The following STK32C variants were observed in gnomAD, a reference collection of about 807,000 sequenced individuals.
STK32C encodes serine/threonine kinase 32C, also known as serine/threonine-protein kinase 32C.
Under a neutral mutation model 56.5 loss-of-function variants are expected in STK32C, and 31 were observed. The observed-to-expected ratio is 0.55, with a 90% CI of 0.41 to 0.74. STK32C has a LOEUF of 0.74. Among genes scored for constraint, STK32C ranks in the 30% least tolerant of loss-of-function variants. STK32C has a pLI of 0.00. For missense variants in STK32C, 544 were observed against 676.9 expected (o/e 0.80, Z 2.18); for synonymous variants, 309 against 289.4 (o/e 1.07, Z -0.69).
chr10:132,294,915 G>A (rs1021471352), intron 1 of STK32C, among the ~76,000 whole-genome samples: 1 of 152,188 alleles, frequency 6.6e-6, no homozygotes, highest in Non-Finnish European at 1.5e-5. Flanking sequence ...TCCTGCCTGT[G>A]TATGACACGG....
At chr10:132,310,869 G>A (rs2066206237), upstream of STK32C, among the ~76,000 whole-genome samples, 1 of 152,210 alleles carries the variant, frequency 6.6e-6, no homozygotes, top group Non-Finnish European at 1.5e-5. The surrounding 1 kb of genome is among the most constrained non-coding windows in gnomAD (Gnocchi z 4.6). Context: ...TGAGGCCGGA[G>A]CATGAACGAG....
intron 1 of STK32C, among the ~76,000 whole-genome samples, chr10:132,269,420 T>C (rs1165982765): frequency 6.6e-6 from 1 of 152,188 alleles, no homozygotes; most frequent in African/African-American, 2.4e-5. Flanking sequence ...GCACCGGATC[T>C]TCCCCTGAGC....
chr10:132,329,409 G>A (rs1380062192), intron 1 of STK32C, among the ~76,000 whole-genome samples: 1 of 147,800 alleles, frequency 6.8e-6, no homozygotes, highest in Non-Finnish European at 1.5e-5. Context: ...CTGAGACCCT[G>A]TCTCAAAAAA....
chr10:132,259,841 A>C (rs1441720152), intron 1 of STK32C, among the ~76,000 whole-genome samples: 1 of 152,164 alleles, frequency 6.6e-6, no homozygotes, highest in African/African-American at 2.4e-5. Context: ...CACTCGCTAC[A>C]CACTTTCTGG....
intron 11 of STK32C, among the ~76,000 whole-genome samples, chr10:132,208,409 A>G (rs1197110771): frequency 6.6e-6 from 1 of 152,194 alleles, no homozygotes; most frequent in Non-Finnish European, 1.5e-5. Context: ...TGCAGGTGCC[A>G]TAGGTCAGTG....
intron 10 of STK32C, among the ~76,000 whole-genome samples, chr10:132,221,189 C>T (rs1409735852): frequency 3.3e-5 from 5 of 151,952 alleles, no homozygotes; most frequent in African/African-American, 1.2e-4. Flanking sequence ...GTGAGGGCTT[C>T]ACGTGGCTGT....
At chr10:132,225,203 C>T in intron 7 of STK32C, 30 bp downstream of exon 7, 1 of 1,556,626 alleles carries the variant, frequency 6.4e-7, no homozygotes, top group Non-Finnish European at 8.7e-7. Context: ...GGCCTGGCAG[C>T]CAAGCCCAGG....
intron 1 of STK32C, among the ~76,000 whole-genome samples, chr10:132,265,950 T>TA (rs1306070127): frequency 6.6e-6 from 1 of 152,176 alleles, no homozygotes; most frequent in African/African-American, 2.4e-5. Context: ...GCATCTTAGT[T>TA]AAACATACAC....
chr10:132,225,533 A>G lies in STK32C; in HGVS notation c.766T>C (p.Tyr256His). 2 of 1,613,844 alleles carry G rather than the reference A, an allele frequency of 1.2e-6. No homozygotes were observed. The highest frequency in any genetic ancestry group is 1.7e-6 in the Non-Finnish European group (2 of 1,180,004). The change falls in exon 6 of 12, where the codon TAC (tyrosine) becomes CAC (histidine). Residue 256 changes from tyrosine to histidine, a missense_variant. Physicochemically the swap from Tyr to His is moderately conservative, Grantham distance 83 (BLOSUM62 2). Around this residue, in one of 3 missense-constraint regions of STK32C, gnomAD observed 85 missense variants for 149.9 expected, o/e 0.57. Transcript: ENST00000298630. ...AACCCCAGCTCGGGCTCACCCATGT[A>G]CGGCTTGGTGCCTGCTAATGCCGTC... ...RATALAGTKP[Y>H]MAPEIFHSFV...
chr10:132,331,846 G>C (rs750554970), upstream of STK32C: 2 of 1,473,934 alleles, frequency 1.4e-6, no homozygotes, highest in Non-Finnish European at 1.8e-6. Context: ...GCGGAAAAAC[G>C]GATGCTACCG....
chr10:132,277,734 T>C (rs1162416066), intron 1 of STK32C, among the ~76,000 whole-genome samples: 1 of 152,116 alleles, frequency 6.6e-6, no homozygotes, highest in East Asian at 1.9e-4. Flanking sequence ...GAGCAGGGTG[T>C]CTCTTCTGAG....
At chr10:132,232,663 G>A (rs1022897688) in intron 2 of STK32C, among the ~76,000 whole-genome samples, 1 of 152,064 alleles carries the variant, frequency 6.6e-6, no homozygotes, top group Non-Finnish European at 1.5e-5. Flanking sequence ...CCACAAAGAG[G>A]AACAAGCCAA....
intron 1 of STK32C, among the ~76,000 whole-genome samples, chr10:132,290,794 T>C (rs919193122): frequency 1.3e-5 from 2 of 151,748 alleles, no homozygotes; most frequent in African/African-American, 4.8e-5. Flanking sequence ...GGCCACCACA[T>C]CCAGGGCCAT....
intron 10 of STK32C, among the ~76,000 whole-genome samples, chr10:132,215,327 T>A (rs1397124341): frequency 6.6e-6 from 1 of 152,084 alleles, no homozygotes; most frequent in Non-Finnish European, 1.5e-5. Flanking sequence ...ATAGAGCTGG[T>A]GATAAGGTTT....
chr10:132,209,502 G>A, intron 10 of STK32C: 1 of 355,078 alleles, frequency 2.8e-6, no homozygotes, highest in Non-Finnish European at 5.5e-6. Context: ...CTGCTTCTGG[G>A]GCCCTGCCCA....
intron 1 of STK32C, among the ~76,000 whole-genome samples, chr10:132,248,364 C>A (rs1162754147): frequency 6.6e-6 from 1 of 152,208 alleles, no homozygotes; most frequent in African/African-American, 2.4e-5. Context: ...TCGGAGTCTG[C>A]GGGGCCTGCC....
At chr10:132,257,792 C>T (rs1042183947) in intron 1 of STK32C, among the ~76,000 whole-genome samples, 10 of 152,086 alleles carry the variant, frequency 6.6e-5, no homozygotes, top group African/African-American at 2.2e-4. Flanking sequence ...ACCAAACACC[C>T]CCAGGGGACC....
chr10:132,240,817 G>A (rs2063474719), intron 2 of STK32C, among the ~76,000 whole-genome samples: 1 of 152,056 alleles, frequency 6.6e-6, no homozygotes, highest in African/African-American at 2.4e-5. Context: ...GGGTCAAGGG[G>A]CGGGGCTGCA....
chr10:132,283,228 AC>A (rs2065270086), intron 1 of STK32C, among the ~76,000 whole-genome samples: 1 of 152,194 alleles, frequency 6.6e-6, no homozygotes, highest in Non-Finnish European at 1.5e-5. Flanking sequence ...TACTGAAGAC[AC>A]CCCAGCAAAA....
Sources: gnomAD v4.1 joint callset for allele counts (sites outside exome capture counted in the v4.1 genomes callset) on GRCh38, gnomAD v4.1.1 for gene constraint, gnomAD v4.1.1 regional missense constraint, Gnocchi (gnomAD v3.1) non-coding constraint, MANE v1.5 for transcripts, NCBI Gene and HGNC (gene_info 2026-07-23, HGNC 2026-07-21) for gene names.